Variants in ZNF331 observed in about 807,000 individuals in gnomAD.
ZNF331 encodes C2H2-like zinc finger protein rearranged in thyroid adenomas.
Under a neutral mutation model 7.0 loss-of-function variants are expected in ZNF331, and 2 were observed. The observed-to-expected ratio is 0.29, with a 90% CI of 0.12 to 0.90. The LOEUF (loss-of-function observed/expected upper bound fraction) is 0.90, where lower values mean the gene tolerates loss of function less well. ZNF331 is among the 40% of genes least tolerant of loss of function. The pLI, the probability that ZNF331 is intolerant of heterozygous loss-of-function variation, is 0.58. For synonymous variants in ZNF331, 196 were observed against 205.4 expected (o/e 0.95, Z 0.39); for missense variants, 432 against 587.7 (o/e 0.74, Z 2.74).
the ZNF331 span, among the ~76,000 whole-genome samples, chr19:53,511,525 A>G: frequency 6.6e-6 from 1 of 152,250 alleles, no homozygotes; most frequent in African/African-American, 2.4e-5. Context: ...AATATAATCA[A>G]TAAGCATTTA....
chr19:53,506,439 T>C, the ZNF331 span, among the ~76,000 whole-genome samples: 1 of 70,348 alleles, frequency 1.4e-5, no homozygotes, highest in Non-Finnish European at 3.1e-5. Context: ...TCTCTCTCTC[T>C]CTCTGTCTCT....
At chr19:53,535,814 T>TC (rs2087725130), upstream of ZNF331, among the ~76,000 whole-genome samples, 1 of 152,016 alleles carries the variant, frequency 6.6e-6, no homozygotes, top group African/African-American at 2.4e-5. Context: ...TTTTTTTTTT[T>TC]TTCTTTTTTG....
At position 53,530,223 on chromosome 19, in the gene ZNF331, C is replaced by T. The variant is rs72487106; in HGVS notation, c.-205+7539C>T. On this transcript the variant is annotated intron_variant, in intron 2 of 6. Transcript: ENST00000253144. ...TGACCAGATTTTGCAAGAACTCACT[C>T]ACCATGGCCAAGACATGAGGGATCT... 4.6e-5 allele frequency among the ~76,000 whole-genome samples: 7 copies of T among 152,164 alleles called. No homozygotes were observed. In the East Asian group the frequency reaches 1.4e-3, roughly 30 times the overall value.
chr19:53,578,789 A>G lies in ZNF331; in HGVS notation c.*837A>G, dbSNP rs2090829079. 1 of 203,434 alleles carries G rather than the reference A, an allele frequency of 4.9e-6. No homozygotes were observed. The allele number at this position is 203,434 out of a possible 1,614,324, so 12.6% of individuals were successfully genotyped here. A position where few individuals can be genotyped will look rare whatever the true frequency, so the allele number is the denominator to read the frequency against. On this transcript the variant is annotated 3_prime_UTR_variant, in exon 6 of 6. Coordinates refer to ENST00000449416, the MANE Select transcript of ZNF331 (RefSeq NM_001079906.2). ...AGTTTAACGTAAGGCTTCACTGATCACTGTTGTTTTTGTTTTTGTTTTTGT... is the reference window on the plus strand; with the variant it reads ...AGTTTAACGTAAGGCTTCACTGATCGCTGTTGTTTTTGTTTTTGTTTTTGT...
intron 3 of ZNF331, chr19:53,563,657 A>T (rs1192454823): frequency 6.6e-6 from 1 of 152,182 alleles, no homozygotes; most frequent in South Asian, 2.1e-4. Context: ...CTTCAATAAT[A>T]ACAGCTAATT....
intron 3 of ZNF331, among the ~76,000 whole-genome samples, chr19:53,564,311 C>T (rs1471337663): frequency 6.6e-6 from 1 of 151,776 alleles, no homozygotes; most frequent in South Asian, 2.1e-4. Context: ...ATGGAGTCTT[C>T]CCCTGTTGCC....
chr19:53,511,843 C>T, the ZNF331 span: 9 of 152,304 alleles, frequency 5.9e-5, no homozygotes, highest in East Asian at 9.6e-4. Flanking sequence ...TCTCAGGAGA[C>T]ATCCAAAAGA....
upstream of ZNF331, among the ~76,000 whole-genome samples, chr19:53,520,540 G>A (rs1048236318): frequency 2.0e-5 from 3 of 152,224 alleles, no homozygotes; most frequent in African/African-American, 7.2e-5. Context: ...AGCATTTGAA[G>A]ATTCTGCCAG....
At chr19:53,524,747 G>C (rs1475434557) in intron 2 of ZNF331, among the ~76,000 whole-genome samples, 1 of 152,056 alleles carries the variant, frequency 6.6e-6, no homozygotes, top group Non-Finnish European at 1.5e-5. Flanking sequence ...TTCTTTTGCT[G>C]TTCAGAAGCT....
At chr19:53,533,385 T>A (rs1392927563), upstream of ZNF331, among the ~76,000 whole-genome samples, 1 of 152,196 alleles carries the variant, frequency 6.6e-6, no homozygotes. Context: ...TTAAATTTCT[T>A]AAGACCTGTT....
At chr19:53,526,471 C>T (rs533367258) in intron 2 of ZNF331, among the ~76,000 whole-genome samples, 2 of 152,268 alleles carry the variant, frequency 1.3e-5, no homozygotes, top group South Asian at 4.1e-4. Flanking sequence ...TGTATTTCTT[C>T]ATGATTCAAT....
the ZNF331 span, among the ~76,000 whole-genome samples, chr19:53,505,287 G>T: frequency 6.1e-4 from 93 of 151,898 alleles, no homozygotes; most frequent in African/African-American, 2.1e-3. Flanking sequence ...TCATTTTGTT[G>T]TGTTTTTGTT....
intron 3 of ZNF331, among the ~76,000 whole-genome samples, chr19:53,559,740 T>TATAC (rs1555766221): frequency 1.3e-5 from 2 of 150,250 alleles, no homozygotes; most frequent in Non-Finnish European, 3.0e-5. Context: ...TATACACATA[T>TATAC]ACACCATACG....
At chr19:53,559,558 CACCT>C (rs1367160449) in intron 3 of ZNF331, among the ~76,000 whole-genome samples, 1 of 151,174 alleles carries the variant, frequency 6.6e-6, no homozygotes, top group East Asian at 1.9e-4. Flanking sequence ...CACATATACA[CACCT>C]ACATATATAC....
At chr19:53,544,470 A>C (rs1169103633) in intron 2 of ZNF331, among the ~76,000 whole-genome samples, 1 of 144,074 alleles carries the variant, frequency 6.9e-6, no homozygotes, top group Non-Finnish European at 1.5e-5. Flanking sequence ...GCGTGAACCC[A>C]GGAGACAGAG....
chr19:53,570,958 A>G lies in ZNF331; in HGVS notation c.10-646A>G, dbSNP rs1030362925. Among the ~76,000 whole-genome samples, 105 of 150,418 alleles carry G rather than the reference A, an allele frequency of 7.0e-4. 1 individual carries two copies. Among genetic ancestry groups the G allele is most frequent in the African/African-American group, 2.5e-3 (100 of 40,648 alleles). ...TGCAAGCTCTGACCACCCCGGGTTC[A>G]TGCCATTCTCCTGCCTCAGCCTCCC... On this transcript the variant is annotated intron_variant, in intron 4 of 5. Coordinates refer to ENST00000449416, the MANE Select transcript of ZNF331 (RefSeq NM_001079906.2).
intron 2 of ZNF331, among the ~76,000 whole-genome samples, chr19:53,549,103 C>T (rs1485893016): frequency 6.6e-6 from 1 of 152,076 alleles, no homozygotes; most frequent in Non-Finnish European, 1.5e-5. Flanking sequence ...CCGCACCTGG[C>T]CTCATTTTTC....
At chr19:53,505,942 C>T in the ZNF331 span, among the ~76,000 whole-genome samples, 5 of 151,720 alleles carry the variant, frequency 3.3e-5, no homozygotes, top group African/African-American at 1.2e-4. Flanking sequence ...CGAGATCGTG[C>T]CTCTGCACTC....
chr19:53,515,688 G>T (rs542988630), upstream of ZNF331, among the ~76,000 whole-genome samples: 5 of 152,190 alleles, frequency 3.3e-5, no homozygotes, highest in East Asian at 9.7e-4. Flanking sequence ...GTAGAGACGG[G>T]GTTTCTCTGT....
Sources: allele counts gnomAD v4.1 joint callset (sites outside exome capture counted in the v4.1 genomes callset), GRCh38; gene constraint gnomAD v4.1.1; transcripts MANE v1.5; gene names NCBI Gene and HGNC (gene_info 2026-07-23, HGNC 2026-07-21).